Variants in CLTC observed in about 807,000 individuals in gnomAD.
CLTC encodes the protein clathrin heavy chain 1.
CLTC carries 16 observed loss-of-function variants against 195.8 expected under a neutral mutation model. The ratio of observed to expected loss-of-function variants is 0.08; its 90% confidence interval spans 0.06 to 0.12. The LOEUF (loss-of-function observed/expected upper bound fraction) is 0.12, where lower values mean the gene tolerates loss of function less well. CLTC is among the 10% of genes least tolerant of loss of function. The pLI is 1.00. For missense variants in CLTC, 796 were observed against 2,027.0 expected (o/e 0.39, Z 11.66); for synonymous variants, 667 against 689.4 (o/e 0.97, Z 0.51).
intron 4 of CLTC, among the ~76,000 whole-genome samples, chr17:59,649,642 G>T (rs1020857258): frequency 2.0e-5 from 3 of 152,144 alleles, no homozygotes; most frequent in African/African-American, 7.2e-5. Context: ...TAAGTAAGCA[G>T]TTTTTAAAAA....
At chr17:59,646,348 G>A (rs2032194312) in intron 2 of CLTC, among the ~76,000 whole-genome samples, 1 of 152,178 alleles carries the variant, frequency 6.6e-6, no homozygotes, top group African/African-American at 2.4e-5. Flanking sequence ...AAGTCTGGTT[G>A]TGGTTTACAT....
intron 6 of CLTC, among the ~76,000 whole-genome samples, chr17:59,660,149 T>C (rs2032575900): frequency 6.6e-6 from 1 of 152,244 alleles, no homozygotes. Flanking sequence ...ATTTAGATTA[T>C]AGAATAGCCA....
chr17:59,681,248 G>T lies in CLTC; in HGVS notation c.3066-47G>T. The T allele has an allele frequency of 6.4e-7, 1 of 1,557,300 alleles. No individual in the cohort carries two copies. Among genetic ancestry groups the T allele is most frequent in the South Asian group, 1.2e-5 (1 of 84,762 alleles). ...GTCACAGTGGTTATTTTTTATGTCGGATAAACTTAAAATATTGCATTTAAA... is the reference window on the plus strand; with the variant it reads ...GTCACAGTGGTTATTTTTTATGTCGTATAAACTTAAAATATTGCATTTAAA... On this transcript the variant is annotated intron_variant, in intron 19 of 31. Coordinates refer to ENST00000269122, the MANE Select transcript of CLTC (RefSeq NM_004859.4). This position sits in a 1 kb window ranked among gnomAD's most constrained non-coding sequence, Gnocchi z 5.0.
intron 13 of CLTC, 46 bp from the exon 14 acceptor site, chr17:59,668,731 C>G: frequency 1.3e-6 from 2 of 1,482,200 alleles, no homozygotes; most frequent in East Asian, 4.7e-5. Context: ...TTCAGTCATT[C>G]TCAAAAGTGT....
In CLTC at chr17:59,682,745, A is replaced by T; in HGVS notation, c.3717A>T (p.Ala1239=). Residue 1239 remains alanine, a synonymous_variant, in exon 23 of 32, where the codon GCA becomes GCT. Transcript: ENST00000269122. The surrounding 1 kb of genome is among the most constrained non-coding windows in gnomAD (Gnocchi z 6.8). ...STLVHLGEYQ[A]AVDGARKANS... is the part of the protein sequence containing the mutation. The stretch of plus-strand genomic sequence containing the variant: ...TGGTTCACCTGGGTGAATATCAGGC[A>T]GCTGTTGATGGGGCTAGGAAAGCTA... The T allele has an allele frequency of 1.2e-6, 2 of 1,614,178 alleles. No homozygotes were observed. Among genetic ancestry groups the T allele is most frequent in the Non-Finnish European group, 1.7e-6 (2 of 1,180,016 alleles).
chr17:59,644,970 ATTACTT>A (rs2143499165), intron 2 of CLTC, among the ~76,000 whole-genome samples: 1 of 152,360 alleles, frequency 6.6e-6, no homozygotes, highest in East Asian at 1.9e-4. Context: ...AACCACTTTA[ATTACTT>A]TTACTTGGAA....
At chr17:59,663,816 A>G (rs1567956298) in intron 8 of CLTC, 26 bp from the exon 9 acceptor site, 3 of 1,602,992 alleles carry the variant, frequency 1.9e-6, no homozygotes, top group South Asian at 2.2e-5. Flanking sequence ...ATGGATCACT[A>G]AACAATCTCT....
At chr17:59,687,035 C>CT in intron 30 of CLTC, 1 of 985,908 alleles carries the variant, frequency 1.0e-6, no homozygotes, top group Non-Finnish European at 1.2e-6. Context: ...AAAGTTGATT[C>CT]TTTAACATCT....
At chr17:59,624,194 T>C (rs2031472186) in intron 1 of CLTC, among the ~76,000 whole-genome samples, 1 of 152,098 alleles carries the variant, frequency 6.6e-6, no homozygotes, top group South Asian at 2.1e-4. Flanking sequence ...ACTCATAAAG[T>C]AGTGGGAATG....
chr17:59,663,043 G>T (rs886992707), intron 8 of CLTC, among the ~76,000 whole-genome samples: 3 of 152,188 alleles, frequency 2.0e-5, no homozygotes, highest in African/African-American at 7.2e-5. Flanking sequence ...GGGACCATTT[G>T]TGGTATTAAT....
At chr17:59,663,703 A>C in intron 8 of CLTC, 139 bp from the exon 9 acceptor site, 1 of 635,028 alleles carries the variant, frequency 1.6e-6, no homozygotes, top group South Asian at 2.4e-5. Flanking sequence ...TACCAACCAC[A>C]ACCCCTGCAT....
rs2033436387 is a variant in CLTC at position 59,696,724 on chromosome 17, CTACGTTCACTTT to C, written c.*2873_*2884del. On this transcript the variant is annotated 3_prime_UTR_variant, in exon 32 of 32. Transcript: ENST00000269122. ...AAAAAATACTAGCAGGGATGACAAACTACGTTCACTTTACAGTTACCATAAATTCTTACTTGG... is the reference window on the plus strand; with the variant it reads ...AAAAAATACTAGCAGGGATGACAAACACAGTTACCATAAATTCTTACTTGG... 2 of 207,640 alleles carry C rather than the reference CTACGTTCACTTT, an allele frequency of 9.6e-6. No individual in the cohort carries two copies. Among genetic ancestry groups the C allele is most frequent in the Non-Finnish European group, 2.0e-5 (2 of 101,868 alleles). The allele number at this position is 207,640 out of a possible 1,614,324, so 12.9% of individuals were successfully genotyped here.
chr17:59,666,889 G>A lies in CLTC; in HGVS notation c.2040G>A (p.Gln680=). ...MLSANIRQNL[Q]ICVQVASKYH... ...CTGCCAACATCCGTCAGAATCTGCAGATTTGTGTTCAGGTGGCTTCTAAAT... is the reference window on the plus strand; with the variant it reads ...CTGCCAACATCCGTCAGAATCTGCAAATTTGTGTTCAGGTGGCTTCTAAAT... The change falls in exon 13 of 32, where the codon CAG becomes CAA. Residue 680 remains glutamine (Q), a synonymous_variant. Coordinates refer to ENST00000269122, the MANE Select transcript of CLTC (RefSeq NM_004859.4). This position sits in a 1 kb window ranked among gnomAD's most constrained non-coding sequence, Gnocchi z 4.9. The A allele has an allele frequency of 6.2e-7, 1 of 1,614,020 alleles. No individual in the cohort carries two copies. The highest frequency in any genetic ancestry group is 8.5e-7 in the Non-Finnish European group (1 of 1,179,952).
chr17:59,653,772 G>C (rs1316782988), intron 5 of CLTC, among the ~76,000 whole-genome samples: 1 of 151,570 alleles, frequency 6.6e-6, no homozygotes, highest in African/African-American at 2.4e-5. Flanking sequence ...TGTTGCCCTG[G>C]CTGGTCTTTT....
chr17:59,684,832 T>C (rs2033148894), intron 28 of CLTC, among the ~76,000 whole-genome samples: 1 of 148,502 alleles, frequency 6.7e-6, no homozygotes, highest in African/African-American at 2.5e-5. Context: ...AATCTTGCCC[T>C]CCAAATTAGA....
intron 1 of CLTC, among the ~76,000 whole-genome samples, chr17:59,627,698 T>C (rs776832153): frequency 6.6e-6 from 1 of 152,226 alleles, no homozygotes. Context: ...TTAAGGACTT[T>C]ATCCTGTTTC....
At chr17:59,637,437 G>A (rs2031898377) in intron 1 of CLTC, among the ~76,000 whole-genome samples, 2 of 150,750 alleles carry the variant, frequency 1.3e-5, no homozygotes, top group Non-Finnish European at 3.0e-5. Flanking sequence ...GTAGAGACGG[G>A]GTTTCACTGT....
chr17:59,629,462 A>G (rs1243927990), intron 1 of CLTC, among the ~76,000 whole-genome samples: 2 of 151,724 alleles, frequency 1.3e-5, no homozygotes, highest in Admixed American at 1.3e-4. Context: ...TTATAAGCAG[A>G]TGATTTAAAT....
At chr17:59,680,891 T>C (rs201213523) in intron 18 of CLTC, 21 bp from the exon 19 acceptor site, 105 of 1,565,644 alleles carry the variant, frequency 6.7e-5, no homozygotes, top group Middle Eastern at 1.7e-4. Context: ...TCAGTACTTA[T>C]GTCCCATATA....
Sources: allele counts gnomAD v4.1 joint callset (sites outside exome capture counted in the v4.1 genomes callset), GRCh38; gene constraint gnomAD v4.1.1; non-coding constraint Gnocchi (gnomAD v3.1); transcripts MANE v1.5; gene names NCBI Gene and HGNC (gene_info 2026-07-23, HGNC 2026-07-21).